PFN4: variants seen among roughly 807,000 people sequenced by gnomAD.
PFN4 encodes the protein profilin family member 4.
PFN4 carries 10 observed loss-of-function variants against 16.3 expected under a neutral mutation model. The observed-to-expected ratio is 0.61, with a 90% confidence interval of 0.38 to 1.04. The LOEUF (loss-of-function observed/expected upper bound fraction) is 1.04. Among genes scored for constraint, PFN4 ranks in the 50% least tolerant of loss-of-function variants. The pLI is 0.01. For synonymous variants in PFN4, 54 were observed against 56.9 expected (o/e 0.95, Z 0.23); for missense variants, 136 against 153.6 (o/e 0.89, Z 0.61).
rs1665882850 is a variant in PFN4 at position 24,115,458 on chromosome 2, C to T, written c.*125G>A. Reference sequence around the variant, plus strand: ...CTCTGGAAGTAATAAAAATTGCTCCCTTAATTCATTCTTCTTTTTTAGTGC... The same window carrying T: ...CTCTGGAAGTAATAAAAATTGCTCCTTTAATTCATTCTTCTTTTTTAGTGC... On this transcript the variant is annotated 3_prime_UTR_variant, in exon 5 of 5. Coordinates refer to ENST00000313213, the MANE Select transcript of PFN4 (RefSeq NM_199346.3). The T allele has an allele frequency of 6.4e-6, 5 of 785,676 alleles. No individual in the cohort carries two copies. In the South Asian group the frequency reaches 8.4e-5, roughly 13 times the overall value. The allele number at this position is 785,676 out of a possible 1,614,324, so 48.7% of individuals were successfully genotyped here. A position where few individuals can be genotyped will look rare whatever the true frequency, so the allele number is the denominator to read the frequency against.
chr2:24,115,643 T>C lies in PFN4; in HGVS notation c.362-32A>G, dbSNP rs774127403. Reference sequence around the variant, plus strand: ...GCAAACACAGCATGGTTATTATTTATGAGCTGCAAATTATCACTACAAATG... The same window carrying C: ...GCAAACACAGCATGGTTATTATTTACGAGCTGCAAATTATCACTACAAATG... On this transcript the variant is annotated intron_variant, in intron 4 of 4. Coordinates refer to ENST00000313213, the MANE Select transcript of PFN4 (RefSeq NM_199346.3). 3 of 1,605,242 alleles carry C rather than the reference T, an allele frequency of 1.9e-6. No homozygotes were observed. The African/African-American group carries it at 4.0e-5, about 22-fold the overall frequency.
intron 4 of PFN4, among the ~76,000 whole-genome samples, chr2:24,117,477 G>A (rs1468637399): frequency 6.8e-6 from 1 of 146,414 alleles, no homozygotes; most frequent in African/African-American, 2.5e-5. Flanking sequence ...GAGTCTCGCT[G>A]TGACGCCCAG....
intron 3 of PFN4, 113 bp from the exon 4 acceptor site, chr2:24,119,795 TATGGAATATAC>T: frequency 1.4e-6 from 1 of 710,978 alleles, no homozygotes; most frequent in Non-Finnish European, 2.3e-6. Context: ...TTGGAATATA[TATGGAATATAC>T]ATATTCCGTA....
In PFN4 at chr2:24,115,386, C is replaced by T; in HGVS notation, c.*197G>A. On this transcript the variant is annotated 3_prime_UTR_variant, in exon 5 of 5. Transcript: ENST00000313213. ...TCTCATTCCATGCCGATGACCAACA[C>T]TTATTAAAAAACAGTTGATCAAGTA... 1.7e-6 allele frequency: 1 copy of T among 582,516 alleles called. No homozygotes were observed. The highest frequency in any genetic ancestry group is 3.0e-6 in the Non-Finnish European group (1 of 328,644). 36.1% of individuals were successfully genotyped at this position (582,516 alleles called of 1,614,324 possible). A position where few individuals can be genotyped will look rare whatever the true frequency, so the allele number is the denominator to read the frequency against.
At chr2:24,120,439 A>G (rs1666072295) in intron 3 of PFN4, among the ~76,000 whole-genome samples, 1 of 152,262 alleles carries the variant, frequency 6.6e-6, no homozygotes, top group Admixed American at 6.5e-5. Flanking sequence ...CATCTGTAAA[A>G]TGAGATTATT....
rs781694010 is a variant in PFN4 at position 24,115,603 on chromosome 2, G to A, written c.370C>T (p.Leu124=). ...ATGACTTAACTTCCTTTTTTTCTTA[G>A]GTAGTCTCCTGAAAGCAAACACAGC... ...VEATESLGDY[L]RKKGS Residue 124 remains leucine, a synonymous_variant, in exon 5 of 5, where the codon CTA becomes TTA. Transcript: ENST00000313213. 5.0e-6 allele frequency: 8 copies of A among 1,611,430 alleles called. No individual in the cohort carries two copies. Among genetic ancestry groups the A allele is most frequent in the Middle Eastern group, 1.7e-4 (1 of 5,920 alleles).
chr2:24,122,672 G>A (rs747336334), intron 1 of PFN4, 125 bp from the exon 2 acceptor site: 48 of 624,292 alleles, frequency 7.7e-5, no homozygotes, highest in Non-Finnish European at 1.1e-4. Flanking sequence ...AAAAGGTACA[G>A]GGTGAAAACG....
chr2:24,117,513 G>A (rs185388148), intron 4 of PFN4, among the ~76,000 whole-genome samples: 14 of 151,366 alleles, frequency 9.2e-5, no homozygotes, highest in African/African-American at 3.4e-4. Context: ...CGCTATTTTG[G>A]CTCACTGCAA....
intron 2 of PFN4, 85 bp from the exon 3 acceptor site, chr2:24,121,385 G>A (rs2151008560): frequency 2.3e-6 from 3 of 1,311,872 alleles, no homozygotes; most frequent in South Asian, 2.8e-5. Flanking sequence ...GTTTTTTATG[G>A]CCTGCAAGCT....
At chr2:24,119,748 C>T (rs1666037611) in intron 3 of PFN4, 66 bp from the exon 4 acceptor site, 1 of 1,207,840 alleles carries the variant, frequency 8.3e-7, no homozygotes, top group African/African-American at 1.5e-5. Context: ...GGTCATGCTC[C>T]AGCTACGTTT....
chr2:24,121,275 A>G lies in PFN4; in HGVS notation c.143T>C (p.Leu48Pro), dbSNP rs1666109224. 1 of 1,614,202 alleles carries G rather than the reference A, an allele frequency of 6.2e-7. No homozygotes were observed. Among genetic ancestry groups the G allele is most frequent in the Non-Finnish European group, 8.5e-7 (1 of 1,180,036 alleles). ...FNVTPSDVRT[L>P]VNGFAKNPLQ... ...AGGGTTCTTGGCAAATCCATTCACCAGTGTTCGGACATCACTGGGCGTTAC... is the reference window on the plus strand; with the variant it reads ...AGGGTTCTTGGCAAATCCATTCACCGGTGTTCGGACATCACTGGGCGTTAC... Residue 48 changes from leucine (L) to proline (P), a missense_variant, in exon 3 of 5, where the codon CTG becomes CCG. By Grantham distance (98) the Leu-to-Pro change is moderately conservative. Coordinates refer to ENST00000313213, the MANE Select transcript of PFN4 (RefSeq NM_199346.3).
chr2:24,116,726 C>T, intron 4 of PFN4, among the ~76,000 whole-genome samples: 1 of 151,712 alleles, frequency 6.6e-6, no homozygotes, highest in African/African-American at 2.4e-5. Context: ...TGGTGGCAGG[C>T]ACCTGTAGTC....
At chr2:24,120,755 A>G (rs1166596731) in intron 3 of PFN4, among the ~76,000 whole-genome samples, 3 of 152,046 alleles carry the variant, frequency 2.0e-5, no homozygotes, top group Non-Finnish European at 2.9e-5. Context: ...GGGTTTCACC[A>G]TGTTAGCTAG....
intron 4 of PFN4, among the ~76,000 whole-genome samples, chr2:24,116,576 C>T (rs961909665): frequency 6.6e-5 from 10 of 151,998 alleles, no homozygotes; most frequent in African/African-American, 1.9e-4. Context: ...AGGACCTGGC[C>T]GGGTGCAGTG....
At chr2:24,116,279 C>T (rs1193397690) in intron 4 of PFN4, among the ~76,000 whole-genome samples, 1 of 151,664 alleles carries the variant, frequency 6.6e-6, no homozygotes, top group African/African-American at 2.4e-5. Flanking sequence ...AATGAGCTGA[C>T]ATCCCACCAC....
At position 24,121,437 on chromosome 2, in the gene PFN4, T is replaced by C. The variant is rs115503534; in HGVS notation, c.118-137A>G. On this transcript the variant is annotated intron_variant, in intron 2 of 4. Coordinates refer to ENST00000313213, the MANE Select transcript of PFN4 (RefSeq NM_199346.3). The stretch of plus-strand genomic sequence containing the variant: ...TTTTTAAATGGTTGGGGAAAAAAAA[T>C]CAAAAGAATAACACTTCGTGACACT... 1.8e-3 allele frequency: 1,384 copies of C among 760,340 alleles called. 12 individuals are homozygous for C. In the African/African-American group the frequency reaches 0.021, roughly 12 times the overall value. The allele number at this position is 760,340 out of a possible 1,614,324, so 47.1% of individuals were successfully genotyped here.
In PFN4 at chr2:24,123,103, C is replaced by G. The variant is rs1343788202; in HGVS notation, c.-13+15G>C. ...CCGCACAAGTCCCCAAGCCTTGGAC[C>G]CCCCTCATCAGGACCTCCGGCACAG... On this transcript the variant is annotated intron_variant, in intron 1 of 4. Transcript: ENST00000313213. The G allele has an allele frequency of 6.6e-6, 1 of 152,388 alleles. No individual in the cohort carries two copies. The highest frequency in any genetic ancestry group is 1.9e-4 in the East Asian group (1 of 5,192). 9.4% of individuals were successfully genotyped at this position (152,388 alleles called of 1,614,324 possible).
intron 4 of PFN4, among the ~76,000 whole-genome samples, chr2:24,118,695 CAG>C (rs1666003650): frequency 6.6e-6 from 1 of 152,100 alleles, no homozygotes; most frequent in Non-Finnish European, 1.5e-5. Context: ...AGGAAGGAAA[CAG>C]AAAATATTTT....
At chr2:24,118,589 G>A (rs1255750010) in intron 4 of PFN4, among the ~76,000 whole-genome samples, 1 of 152,142 alleles carries the variant, frequency 6.6e-6, no homozygotes, top group African/African-American at 2.4e-5. Flanking sequence ...TAATCATAAA[G>A]GTATGCATAA....
Sources: gnomAD v4.1 joint callset for allele counts (sites outside exome capture counted in the v4.1 genomes callset) on GRCh38, gnomAD v4.1.1 for gene constraint, MANE v1.5 for transcripts, NCBI Gene and HGNC (gene_info 2026-07-23, HGNC 2026-07-21) for gene names.